The following IL1RAPL1 variants were observed in gnomAD, a reference collection of about 807,000 sequenced individuals.
IL1RAPL1 encodes interleukin 1 receptor accessory protein like 1.
A neutral mutation model predicts 48.4 loss-of-function variants in IL1RAPL1; 3 were observed. The ratio of observed to expected loss-of-function variants is 0.06; its 90% confidence interval spans 0.03 to 0.16. The LOEUF (loss-of-function observed/expected upper bound fraction) is 0.16, where lower values mean the gene tolerates loss of function less well. Ranked by LOEUF, IL1RAPL1 falls within the 10% of genes least tolerant of loss-of-function variation. IL1RAPL1 has a pLI of 1.00. For synonymous variants in IL1RAPL1, 185 were observed against 187.7 expected, an observed-to-expected ratio of 0.99 and a Z score of 0.12; for missense variants, 349 against 530.6, an observed-to-expected ratio of 0.66 and a Z score of 3.36.
chrX:29,797,971 G>A (rs1213298788), intron 6 of IL1RAPL1, among the ~76,000 whole-genome samples: 1 of 112,058 alleles, frequency 8.9e-6, no homozygotes, highest in African/African-American at 3.2e-5. Flanking sequence ...TGGTCCCTGG[G>A]CCAGGAGCAT....
chrX:28,637,873 A>G (rs1380318602), intron 1 of IL1RAPL1, among the ~76,000 whole-genome samples: 1 of 112,455 alleles, frequency 8.9e-6, no homozygotes, highest in African/African-American at 3.2e-5. Flanking sequence ...GTAAGACATA[A>G]GGCTTTGCCT....
At chrX:28,767,759 G>A (rs1356231439) in intron 1 of IL1RAPL1, among the ~76,000 whole-genome samples, 2 of 109,850 alleles carry the variant, frequency 1.8e-5, no homozygotes, top group African/African-American at 6.6e-5. Flanking sequence ...GCACATGTGT[G>A]TTCATATTCA....
chrX:28,959,081 C>T (rs1168639264), intron 2 of IL1RAPL1, among the ~76,000 whole-genome samples: 2 of 111,078 alleles, frequency 1.8e-5, no homozygotes, highest in Non-Finnish European at 3.8e-5. Flanking sequence ...AATGTAACAT[C>T]ATTTTTGAAA....
chrX:29,497,289 T>A (rs1935224370), intron 5 of IL1RAPL1, among the ~76,000 whole-genome samples: 1 of 111,472 alleles, frequency 9.0e-6, no homozygotes, highest in East Asian at 2.8e-4. Context: ...GCTCCTAGGT[T>A]TATAGATATT....
chrX:29,232,525 G>T lies in IL1RAPL1; in HGVS notation c.83-50413G>T, dbSNP rs1931220292. Among the ~76,000 whole-genome samples, 3 of 111,812 alleles carry T rather than the reference G, an allele frequency of 2.7e-5. No individual in the cohort carries two copies. The Admixed American group carries it at 2.9e-4, about 11-fold the overall frequency. ...TAACAGTTCGTAACAAATGCCTTGG[G>T]CAGATTAGGGCATTGCCAAAAATCA... On this transcript the variant is annotated intron_variant, in intron 2 of 10. Coordinates refer to ENST00000378993, the MANE Select transcript of IL1RAPL1 (RefSeq NM_014271.4).
chrX:29,365,535 A>T (rs1442194934), intron 3 of IL1RAPL1, among the ~76,000 whole-genome samples: 1 of 105,731 alleles, frequency 9.5e-6, no homozygotes, highest in Non-Finnish European at 1.9e-5. Context: ...GTCTCTACTA[A>T]AAACACAAAA....
intron 6 of IL1RAPL1, among the ~76,000 whole-genome samples, chrX:29,913,690 C>T (rs1932777339): frequency 9.0e-6 from 1 of 111,055 alleles, no homozygotes; most frequent in Admixed American, 9.6e-5. Context: ...TCTGTCTGAT[C>T]CAATCTCAGG....
At chrX:29,587,495 T>G (rs1050573032) in intron 5 of IL1RAPL1, among the ~76,000 whole-genome samples, 4 of 111,292 alleles carry the variant, frequency 3.6e-5, no homozygotes, top group African/African-American at 1.3e-4. Flanking sequence ...ATTAACAATA[T>G]TCTTGAAAAT....
intron 1 of IL1RAPL1, among the ~76,000 whole-genome samples, chrX:28,782,211 A>G (rs1330775989): frequency 1.8e-5 from 2 of 111,425 alleles, no homozygotes; most frequent in East Asian, 5.6e-4. Flanking sequence ...TGTTGGAAAT[A>G]TGTTTGCTAA....
At chrX:29,887,625 A>G (rs934287196) in intron 6 of IL1RAPL1, among the ~76,000 whole-genome samples, 1 of 111,496 alleles carries the variant, frequency 9.0e-6, no homozygotes, top group Non-Finnish European at 1.9e-5. Flanking sequence ...GACTTTGTAT[A>G]ACTATGTGGA....
intron 2 of IL1RAPL1, among the ~76,000 whole-genome samples, chrX:28,859,319 C>T (rs769016173): frequency 1.8e-5 from 2 of 112,153 alleles, no homozygotes; most frequent in African/African-American, 3.2e-5. Context: ...AGTGCAGTGG[C>T]GCAATCTTGG....
intron 2 of IL1RAPL1, among the ~76,000 whole-genome samples, chrX:29,051,913 C>T (rs768999873): frequency 7.2e-5 from 8 of 111,819 alleles, no homozygotes; most frequent in South Asian, 3.7e-4. Context: ...TCTCTTTTAG[C>T]GGTGGCAAGC....
At chrX:28,758,344 G>A (rs767144960) in intron 1 of IL1RAPL1, among the ~76,000 whole-genome samples, 10 of 111,906 alleles carry the variant, frequency 8.9e-5, no homozygotes, top group Admixed American at 1.9e-4. Context: ...AAAATACAGA[G>A]AAAGAACAGA....
chrX:28,859,483 C>T (rs1015144861), intron 2 of IL1RAPL1, among the ~76,000 whole-genome samples: 2 of 111,118 alleles, frequency 1.8e-5, no homozygotes, highest in Non-Finnish European at 3.8e-5. Flanking sequence ...TAGTCTGGAT[C>T]TCTTGACCTC....
At chrX:28,856,211 C>A (rs1405904458) in intron 2 of IL1RAPL1, among the ~76,000 whole-genome samples, 1 of 111,807 alleles carries the variant, frequency 8.9e-6, no homozygotes, top group East Asian at 2.8e-4. Context: ...CCTATGTAGG[C>A]AAATCTGTGT....
intron 6 of IL1RAPL1, among the ~76,000 whole-genome samples, chrX:29,685,777 G>A (rs1381572519): frequency 1.8e-5 from 2 of 110,096 alleles, no homozygotes; most frequent in African/African-American, 3.3e-5. Flanking sequence ...ATGAGGTCAG[G>A]AGTTCGAGAC....
intron 6 of IL1RAPL1, among the ~76,000 whole-genome samples, chrX:29,887,033 A>G (rs112346247): frequency 0.01 from 1,150 of 111,876 alleles, 12 homozygotes; most frequent in African/African-American, 0.035. Context: ...CAACCAATGA[A>G]TAAGAATTTC....
chrX:29,667,464 A>G (rs1926029222), intron 5 of IL1RAPL1, among the ~76,000 whole-genome samples: 1 of 112,135 alleles, frequency 8.9e-6, no homozygotes, highest in South Asian at 3.7e-4. Context: ...CCTCAAAGCA[A>G]AAACATTTAG....
At chrX:28,873,884 C>T (rs1569190539) in intron 2 of IL1RAPL1, among the ~76,000 whole-genome samples, 1 of 107,215 alleles carries the variant, frequency 9.3e-6, no homozygotes, top group Non-Finnish European at 1.9e-5. Context: ...TAAAATTGAG[C>T]GAGCAGCAGA....
Sources: gnomAD v4.1 joint callset for allele counts (sites outside exome capture counted in the v4.1 genomes callset) on GRCh38, gnomAD v4.1.1 for gene constraint, MANE v1.5 for transcripts, NCBI Gene and HGNC (gene_info 2026-07-23, HGNC 2026-07-21) for gene names.